The following WDR59 variants were observed in gnomAD, a reference collection of about 807,000 sequenced individuals.
The protein encoded by WDR59 is GATOR2 complex protein WDR59.
A neutral mutation model predicts 131.2 loss-of-function variants in WDR59; 100 were observed. That is an observed-to-expected ratio of 0.76 (90% CI 0.65 to 0.90). WDR59 has a LOEUF of 0.90. WDR59 is among the 40% of genes least tolerant of loss of function. The pLI is 0.00. For synonymous variants in WDR59, 601 were observed against 466.2 expected (o/e 1.29, Z -3.72); for missense variants, 1,203 against 1,262.2 (o/e 0.95, Z 0.71).
At chr16:74,937,091 C>T (rs1423391822) in intron 8 of WDR59, among the ~76,000 whole-genome samples, 2 of 152,142 alleles carry the variant, frequency 1.3e-5, no homozygotes, top group African/African-American at 2.4e-5. Context: ...TGGTCAAACC[C>T]CTGTCCTCAG....
At chr16:74,910,435 T>G (rs777140755) in intron 14 of WDR59, among the ~76,000 whole-genome samples, 2 of 152,168 alleles carry the variant, frequency 1.3e-5, no homozygotes, top group Admixed American at 6.5e-5. Flanking sequence ...CTTTCCTTAA[T>G]CAAGGCAGCA....
chr16:74,897,893 T>C (rs1965370257), intron 18 of WDR59, among the ~76,000 whole-genome samples: 1 of 152,218 alleles, frequency 6.6e-6, no homozygotes, highest in African/African-American at 2.4e-5. Flanking sequence ...TAATCCTGCC[T>C]GCTGGCCAAT....
At chr16:74,971,617 G>A (rs1459488164) in intron 1 of WDR59, among the ~76,000 whole-genome samples, 3 of 151,780 alleles carry the variant, frequency 2.0e-5, no homozygotes, top group Non-Finnish European at 4.4e-5. Flanking sequence ...ATTTTTAATA[G>A]AGATGGGGTT....
chr16:74,919,459 G>C (rs907456805), intron 10 of WDR59, among the ~76,000 whole-genome samples: 1 of 151,446 alleles, frequency 6.6e-6, no homozygotes, highest in African/African-American at 2.4e-5. Flanking sequence ...CAGCCTCCAG[G>C]GTGGCTGAGA....
rs574979330 is a variant in WDR59, at chr16:74,890,447, G to A, written c.2083-632C>T. On this transcript the variant is annotated intron_variant, in intron 20 of 25. Coordinates refer to ENST00000262144, the MANE Select transcript of WDR59 (RefSeq NM_030581.4). The stretch of plus-strand genomic sequence containing the variant: ...ATTACAGGTGTGAGCCACTGCACCC[G>A]GCCTCACATGACTTTTTAAAATGCT... Among the ~76,000 whole-genome samples the A allele has an allele frequency of 6.0e-3, 907 of 152,196 alleles. 2 individuals are homozygous for A. The highest frequency in any genetic ancestry group is 9.7e-3 in the Non-Finnish European group (659 of 68,010).
chr16:74,966,703 C>T (rs1385067551), intron 1 of WDR59, among the ~76,000 whole-genome samples: 2 of 152,094 alleles, frequency 1.3e-5, no homozygotes, highest in South Asian at 2.1e-4. Context: ...ATTCAGACAC[C>T]ACCCCTGCTG....
chr16:74,883,357 G>A (rs554504616), intron 25 of WDR59, among the ~76,000 whole-genome samples: 10 of 152,002 alleles, frequency 6.6e-5, no homozygotes, highest in African/African-American at 9.7e-5. Flanking sequence ...TCAAAGCCAC[G>A]TCCAGAGGTC....
intron 2 of WDR59, among the ~76,000 whole-genome samples, chr16:74,961,006 A>C (rs911460422): frequency 3.3e-5 from 5 of 151,990 alleles, no homozygotes; most frequent in Non-Finnish European, 7.4e-5. Flanking sequence ...CATATTGTAA[A>C]ATTCAGTATA....
intron 20 of WDR59, among the ~76,000 whole-genome samples, chr16:74,890,508 A>T (rs1205696325): frequency 2.0e-5 from 3 of 152,272 alleles, no homozygotes; most frequent in South Asian, 2.1e-4. Context: ...GGGAGGAAAA[A>T]AAAGGCAGTC....
At chr16:74,979,997 C>G (rs1324762377) in intron 1 of WDR59, among the ~76,000 whole-genome samples, 1 of 151,602 alleles carries the variant, frequency 6.6e-6, no homozygotes, top group Non-Finnish European at 1.5e-5. Context: ...GACAGGCATG[C>G]ACCACCACGC....
chr16:74,882,850 G>GAAAAGA (rs1452896389), intron 25 of WDR59, among the ~76,000 whole-genome samples: 2 of 123,044 alleles, frequency 1.6e-5, no homozygotes. Flanking sequence ...AGAAAGAAAA[G>GAAAAGA]AAAAGAAAAA....
intron 1 of WDR59, 68 bp downstream of exon 1, chr16:74,984,896 C>G: frequency 6.4e-7 from 1 of 1,569,296 alleles, no homozygotes. Context: ...GGGACGGAAG[C>G]AGCCGCGTGG....
In WDR59 at chr16:74,908,005, T is replaced by C. The variant is rs180765332; in HGVS notation, c.1712+903A>G. 8.9e-4 allele frequency among the ~76,000 whole-genome samples: 135 copies of C among 152,280 alleles called. 1 individual carries two copies. The highest frequency in any genetic ancestry group is 1.0e-4 in the Non-Finnish European group (7 of 68,022). Reference sequence around the variant, plus strand: ...CCTATCTGCTACAATAGATTGCCTATAAAGAAAAACTTTTTTTAATGCACA... The same window carrying C: ...CCTATCTGCTACAATAGATTGCCTACAAAGAAAAACTTTTTTTAATGCACA... On this transcript the variant is annotated intron_variant, in intron 17 of 25. Transcript: ENST00000262144.
At chr16:74,941,445 G>A (rs774344049) in intron 7 of WDR59, among the ~76,000 whole-genome samples, 10 of 152,010 alleles carry the variant, frequency 6.6e-5, no homozygotes, top group Non-Finnish European at 1.5e-4. Flanking sequence ...TATAATCCCA[G>A]CACTTTGGGA....
chr16:74,922,687 T>C (rs2030366301), intron 9 of WDR59, among the ~76,000 whole-genome samples: 1 of 152,244 alleles, frequency 6.6e-6, no homozygotes, highest in Admixed American at 6.5e-5. Context: ...AATTAGACTC[T>C]GTTATTTAAG....
At chr16:74,981,637 T>TATATATATATATATATATAC (rs2034418151) in intron 1 of WDR59, among the ~76,000 whole-genome samples, 2 of 31,500 alleles carry the variant, frequency 6.3e-5, no homozygotes, top group African/African-American at 2.5e-4. Flanking sequence ...TATATATATA[T>TATATATATATATATATATAC]ATATATATAT....
At chr16:74,876,724 G>A (rs935839320) in intron 25 of WDR59, among the ~76,000 whole-genome samples, 1 of 152,072 alleles carries the variant, frequency 6.6e-6, no homozygotes, top group East Asian at 1.9e-4. Flanking sequence ...GCCCCAGGAC[G>A]CTCTCCCTTG....
intron 25 of WDR59, among the ~76,000 whole-genome samples, chr16:74,883,473 C>T (rs1023289544): frequency 1.3e-5 from 2 of 152,184 alleles, no homozygotes; most frequent in Non-Finnish European, 2.9e-5. Context: ...TACCCACTTC[C>T]CAGATTCCAA....
Position 74,874,126 on chromosome 16 carries a change from TG to T in WDR59, c.*82del. On this transcript the variant is annotated 3_prime_UTR_variant, in exon 26 of 26. Coordinates refer to ENST00000262144, the MANE Select transcript of WDR59 (RefSeq NM_030581.4). The stretch of plus-strand genomic sequence containing the variant: ...TCTCACTGGGGACGAACCCAGGTTC[TG>T]GAGCCTCTCCCCTGACAGACAGCTT... 1 of 1,233,770 alleles carries T rather than the reference TG, an allele frequency of 8.1e-7. No individual in the cohort carries two copies. The highest frequency in any genetic ancestry group is 1.1e-6 in the Non-Finnish European group (1 of 878,178). 76.4% of individuals were successfully genotyped at this position (1,233,770 alleles called of 1,614,324 possible). A position where few individuals can be genotyped will look rare whatever the true frequency, so the allele number is the denominator to read the frequency against.
Sources: allele counts gnomAD v4.1 joint callset (sites outside exome capture counted in the v4.1 genomes callset), GRCh38; gene constraint gnomAD v4.1.1; transcripts MANE v1.5; gene names NCBI Gene and HGNC (gene_info 2026-07-23, HGNC 2026-07-21).